MGST1: variants seen among roughly 807,000 people sequenced by gnomAD.
The protein encoded by MGST1 is microsomal glutathione S-transferase 1, also known as glutathione S-transferase 12.
A neutral mutation model predicts 8.9 loss-of-function variants in MGST1; 5 were observed. That is an observed-to-expected ratio of 0.56 (90% CI 0.29 to 1.19). The LOEUF is 1.19. Among genes scored for constraint, MGST1 ranks in the 50% most tolerant of loss-of-function variants. The pLI, the probability that MGST1 is intolerant of heterozygous loss-of-function variation, is 0.08. For missense variants in MGST1, 182 were observed against 187.4 expected, an observed-to-expected ratio of 0.97 and a Z score of 0.17; for synonymous variants, 54 against 67.8, an observed-to-expected ratio of 0.80 and a Z score of 1.00.
downstream of MGST1, among the ~76,000 whole-genome samples, chr12:16,366,189 A>G (rs1940184706): frequency 6.6e-6 from 1 of 152,226 alleles, no homozygotes; most frequent in Non-Finnish European, 1.5e-5. This position sits in a 1 kb window ranked among gnomAD's most constrained non-coding sequence, Gnocchi z 4.0. Context: ...GGAACTATGT[A>G]TATGAGCAGA....
intron 4 of MGST1, among the ~76,000 whole-genome samples, chr12:16,508,561 T>C (rs1591747783): frequency 1.3e-5 from 2 of 152,344 alleles, no homozygotes; most frequent in African/African-American, 2.4e-5. Flanking sequence ...GGTTTATCTC[T>C]GATGAATCAA....
At chr12:16,557,809 TTAAG>T (rs1295460321) in intron 4 of MGST1, among the ~76,000 whole-genome samples, 1 of 152,036 alleles carries the variant, frequency 6.6e-6, no homozygotes. Context: ...TTCAGAGAGA[TTAAG>T]TAACATACTC....
At chr12:16,446,753 T>C (rs1250598681) in intron 4 of MGST1, among the ~76,000 whole-genome samples, 1 of 151,884 alleles carries the variant, frequency 6.6e-6, no homozygotes, top group African/African-American at 2.4e-5. Flanking sequence ...AAGTGGTGGC[T>C]TGGGGAAGAG....
chr12:16,402,006 T>G (rs1271170900), intron 1 of MGST1: 1 of 1,610,392 alleles, frequency 6.2e-7, no homozygotes, highest in African/African-American at 1.3e-5. Flanking sequence ...GAATTTGTCT[T>G]TGCTGAACAC....
chr12:16,576,005 A>AC lies in MGST1; in HGVS notation n.483-13518dup. 6.6e-6 allele frequency among the ~76,000 whole-genome samples: 1 copy of AC among 151,848 alleles called. No individual in the cohort carries two copies. Among genetic ancestry groups the AC allele is most frequent in the African/African-American group, 2.4e-5 (1 of 41,372 alleles). On this transcript the variant is annotated intron_variant and non_coding_transcript_variant, in intron 4 of 4. Transcript: ENST00000538857. The surrounding 1 kb of genome is among the most constrained non-coding windows in gnomAD (Gnocchi z 4.1). ...CTTTGAATTTGCCTCCTCTTCTCAG[A>AC]CCCCCAAATCTAGCCCTGCCGCTGT...
chr12:16,379,991 A>G (rs1383339488), downstream of MGST1, among the ~76,000 whole-genome samples: 2 of 151,970 alleles, frequency 1.3e-5, no homozygotes, highest in East Asian at 3.9e-4. Flanking sequence ...ATCGGTGGTG[A>G]TATCCCCTTT....
chr12:16,484,424 AT>A (rs1941385364), intron 4 of MGST1, among the ~76,000 whole-genome samples: 1 of 151,894 alleles, frequency 6.6e-6, no homozygotes, highest in Non-Finnish European at 1.5e-5. Context: ...TTGTTTGTTT[AT>A]TTTTTTACTT....
At chr12:16,486,918 C>A (rs1941402646) in intron 4 of MGST1, among the ~76,000 whole-genome samples, 1 of 152,164 alleles carries the variant, frequency 6.6e-6, no homozygotes, top group Admixed American at 6.5e-5. Context: ...CATTACAGTT[C>A]TTGATCACAT....
intron 2 of MGST1, among the ~76,000 whole-genome samples, chr12:16,354,876 G>A (rs1160982680): frequency 1.3e-5 from 2 of 151,748 alleles, no homozygotes; most frequent in Non-Finnish European, 2.9e-5. Flanking sequence ...TGAATTTTGT[G>A]TACTTCTGAC....
intron 1 of MGST1, among the ~76,000 whole-genome samples, chr12:16,352,241 A>G (rs1939501761): frequency 6.6e-6 from 1 of 152,254 alleles, no homozygotes; most frequent in Admixed American, 6.5e-5. Context: ...AAAGCTAAGT[A>G]TATATGTATG....
chr12:16,408,605 T>C lies in MGST1; in HGVS notation n.778+25001T>C, dbSNP rs186995650. ...ACCAGCTTCTCTTTTAATTTTATAT[T>C]TTGCAGTTTCACTGGAAATTTTTAT... On this transcript the variant is annotated intron_variant and non_coding_transcript_variant, in intron 1 of 1. Transcript: ENST00000359720. Among the ~76,000 whole-genome samples the C allele has an allele frequency of 6.0e-3, 918 of 152,282 alleles. 5 individuals are homozygous for C. The highest frequency in any genetic ancestry group is 0.011 in the Non-Finnish European group (755 of 68,012).
intron 4 of MGST1, among the ~76,000 whole-genome samples, chr12:16,523,283 A>G (rs777172635): frequency 3.3e-5 from 5 of 152,084 alleles, no homozygotes; most frequent in African/African-American, 4.8e-5. Flanking sequence ...TGCTCTGCTA[A>G]CTAGTTGGAT....
intron 4 of MGST1, among the ~76,000 whole-genome samples, chr12:16,557,045 G>A (rs1192699325): frequency 6.6e-6 from 1 of 152,158 alleles, no homozygotes; most frequent in Non-Finnish European, 1.5e-5. Flanking sequence ...GAGTTCTCCT[G>A]AGGAGACAGA....
rs957737109 is a variant in MGST1, at chr12:16,362,010, A to G, written c.222-1785A>G. 1.3e-5 allele frequency among the ~76,000 whole-genome samples: 2 copies of G among 152,120 alleles called. No homozygotes were observed. Among genetic ancestry groups the G allele is most frequent in the African/African-American group, 4.8e-5 (2 of 41,418 alleles). On this transcript the variant is annotated intron_variant, in intron 3 of 3. Coordinates refer to ENST00000396210, the MANE Select transcript of MGST1 (RefSeq NM_020300.5). This position sits in a 1 kb window ranked among gnomAD's most constrained non-coding sequence, Gnocchi z 4.4. ...GCGTAACACAGGCGTAGAAGTGGAC[A>G]TTGTTTTCCAGAGAGTCTCCTTTTT...
At chr12:16,357,551 C>A in intron 2 of MGST1, 54 bp from the exon 3 acceptor site, 1 of 1,341,166 alleles carries the variant, frequency 7.5e-7, no homozygotes, top group Non-Finnish European at 1.1e-6. Context: ...CAGGTGTGAG[C>A]TATTGCTCCT....
chr12:16,387,530 A>AT (rs34939041), intron 1 of MGST1, among the ~76,000 whole-genome samples: 41,688 of 142,154 alleles, frequency 0.29, 6,549 homozygotes, highest in East Asian at 0.66. Context: ...CAGGTATACC[A>AT]TTTTTTTTTT....
At chr12:16,494,239 C>T (rs1314863252) in intron 4 of MGST1, among the ~76,000 whole-genome samples, 2 of 152,118 alleles carry the variant, frequency 1.3e-5, no homozygotes, top group Non-Finnish European at 2.9e-5. Flanking sequence ...GAATATACCA[C>T]ATGGAAAGTA....
At chr12:16,379,354 T>C (rs1046817133), downstream of MGST1, among the ~76,000 whole-genome samples, 1 of 152,222 alleles carries the variant, frequency 6.6e-6, no homozygotes, top group Non-Finnish European at 1.5e-5. Flanking sequence ...GTTTTTAGCA[T>C]GAAGAGTTGT....
At chr12:16,454,769 C>T (rs1941157210) in intron 4 of MGST1, among the ~76,000 whole-genome samples, 1 of 149,074 alleles carries the variant, frequency 6.7e-6, no homozygotes, top group Non-Finnish European at 1.5e-5. Context: ...TAGAAATGTT[C>T]CTTGGGTAGG....
Sources: allele counts gnomAD v4.1 joint callset (sites outside exome capture counted in the v4.1 genomes callset), GRCh38; gene constraint gnomAD v4.1.1; non-coding constraint Gnocchi (gnomAD v3.1); transcripts MANE v1.5; gene names NCBI Gene and HGNC (gene_info 2026-07-23, HGNC 2026-07-21).